The following PSD3 variants were observed in gnomAD, a reference collection of about 807,000 sequenced individuals.
PSD3 encodes PH and SEC7 domain-containing protein 3.
Under a neutral mutation model 105.5 loss-of-function variants are expected in PSD3, and 49 were observed. The ratio of observed to expected loss-of-function variants is 0.46; its 90% CI spans 0.37 to 0.59. The LOEUF (loss-of-function observed/expected upper bound fraction) is 0.59, where lower values mean the gene tolerates loss of function less well. Ranked by LOEUF, PSD3 falls within the 20% of genes least tolerant of loss-of-function variation. The pLI, the probability that PSD3 is intolerant of heterozygous loss-of-function variation, is 0.00. For synonymous variants in PSD3, 557 were observed against 457.8 expected (o/e 1.22, Z -2.77); for missense variants, 1,561 against 1,263.8 (o/e 1.24, Z -3.57).
chr8:18,562,174 TAAG>T (rs1801432199), intron 14 of PSD3, among the ~76,000 whole-genome samples: 1 of 152,214 alleles, frequency 6.6e-6, no homozygotes, highest in South Asian at 2.1e-4. Flanking sequence ...GTGCTGGGAA[TAAG>T]AAGAGGGAAC....
intron 10 of PSD3, among the ~76,000 whole-genome samples, chr8:18,640,659 T>C (rs1375036803): frequency 6.6e-6 from 1 of 152,136 alleles, no homozygotes; most frequent in African/African-American, 2.4e-5. Flanking sequence ...TAAACCTCTT[T>C]CCTTTATAAA....
intron 1 of PSD3, among the ~76,000 whole-genome samples, chr8:19,050,259 C>A (rs900116970): frequency 6.6e-6 from 1 of 152,178 alleles, no homozygotes; most frequent in African/African-American, 2.4e-5. Flanking sequence ...AGAAAAAGAA[C>A]TAGCCACAAA....
chr8:19,070,004 G>T (rs1417709755), intron 1 of PSD3, among the ~76,000 whole-genome samples: 1 of 150,790 alleles, frequency 6.6e-6, no homozygotes, highest in Non-Finnish European at 1.5e-5. Context: ...GCGTGCAGTG[G>T]CATGATCTCA....
intron 9 of PSD3, among the ~76,000 whole-genome samples, chr8:18,750,828 C>T (rs1357346009): frequency 6.6e-6 from 1 of 152,112 alleles, no homozygotes; most frequent in East Asian, 1.9e-4. Flanking sequence ...GATTGGTGCA[C>T]TCACAAACCC....
chr8:18,616,767 G>C (rs1805714808), intron 11 of PSD3, among the ~76,000 whole-genome samples: 1 of 150,326 alleles, frequency 6.7e-6, no homozygotes. Flanking sequence ...GGGACTACAG[G>C]CGCCCGCCAC....
intron 9 of PSD3, among the ~76,000 whole-genome samples, chr8:18,669,645 C>T (rs1456687416): frequency 6.6e-6 from 1 of 152,186 alleles, no homozygotes; most frequent in African/African-American, 2.4e-5. Flanking sequence ...GATTGCATCG[C>T]ACTACGCCGG....
rs370488117 is a variant in PSD3 at position 18,692,101 on chromosome 8, T to C, written c.2173-36416A>G. On this transcript the variant is annotated intron_variant, in intron 9 of 15. Transcript: ENST00000327040. The stretch of plus-strand genomic sequence containing the variant: ...AAAAAAGGGTGACCATTTGGTACAA[T>C]GTAAGAGTAACTGTAAGCTCTATAG... Among the ~76,000 whole-genome samples, 24 of 152,326 alleles carry C rather than the reference T, an allele frequency of 1.6e-4. No homozygotes were observed. The East Asian group carries it at 3.5e-3, about 22-fold the overall frequency.
At chr8:18,674,742 C>T (rs1799976471) in intron 9 of PSD3, among the ~76,000 whole-genome samples, 1 of 152,114 alleles carries the variant, frequency 6.6e-6, no homozygotes, top group Admixed American at 6.5e-5. Context: ...TGTGGTGTCT[C>T]ATGTCTGTGA....
intron 2 of PSD3, among the ~76,000 whole-genome samples, chr8:18,931,211 C>G (rs565557013): frequency 1.3e-5 from 2 of 151,848 alleles, no homozygotes; most frequent in Non-Finnish European, 2.9e-5. Flanking sequence ...TGTTGGATGT[C>G]CAACACACAA....
intron 9 of PSD3, among the ~76,000 whole-genome samples, chr8:18,734,699 A>G (rs1804017286): frequency 6.6e-6 from 1 of 152,208 alleles, no homozygotes; most frequent in Admixed American, 6.5e-5. Context: ...TTTCTAAACG[A>G]TGAGGTGACT....
chr8:18,742,094 A>T (rs1019863683), intron 9 of PSD3, among the ~76,000 whole-genome samples: 22 of 152,198 alleles, frequency 1.4e-4, no homozygotes, highest in African/African-American at 5.3e-4. Flanking sequence ...ATTTAAAAGG[A>T]CTATAATAGG....
At chr8:18,767,881 G>T (rs915307623) in intron 8 of PSD3, among the ~76,000 whole-genome samples, 1 of 152,060 alleles carries the variant, frequency 6.6e-6, no homozygotes, top group Non-Finnish European at 1.5e-5. Context: ...TAACAGAAGG[G>T]TAGAACAGCA....
chr8:19,053,204 G>A (rs978358596), intron 1 of PSD3, among the ~76,000 whole-genome samples: 4 of 152,200 alleles, frequency 2.6e-5, no homozygotes, highest in South Asian at 2.1e-4. Flanking sequence ...GGTCTATGGC[G>A]CACAGGGGAT....
At chr8:19,014,903 G>A (rs75879016), upstream of PSD3, among the ~76,000 whole-genome samples, 224 of 152,310 alleles carry the variant, frequency 1.5e-3, 1 homozygote, top group African/African-American at 5.1e-3. This position sits in a 1 kb window ranked among gnomAD's most constrained non-coding sequence, Gnocchi z 4.9. Context: ...CCAGCATGAG[G>A]GAGTGTATGC....
intron 1 of PSD3, among the ~76,000 whole-genome samples, chr8:19,053,340 A>C (rs549883209): frequency 6.6e-6 from 1 of 152,052 alleles, no homozygotes; most frequent in East Asian, 1.9e-4. Flanking sequence ...GCACACACCC[A>C]CTCCTCTCTT....
intron 4 of PSD3, among the ~76,000 whole-genome samples, chr8:18,826,820 A>G (rs1813226427): frequency 6.6e-6 from 1 of 152,198 alleles, no homozygotes; most frequent in Non-Finnish European, 1.5e-5. Flanking sequence ...GAGGCAGTGT[A>G]CTTTCTACCT....
At chr8:18,971,287 G>A (rs993656720) in intron 1 of PSD3, among the ~76,000 whole-genome samples, 1 of 152,176 alleles carries the variant, frequency 6.6e-6, no homozygotes, top group Non-Finnish European at 1.5e-5. Flanking sequence ...GGAACAAGCA[G>A]GGCAAAGCTC....
intron 1 of PSD3, among the ~76,000 whole-genome samples, chr8:19,048,008 A>G (rs1828386396): frequency 6.6e-6 from 1 of 151,980 alleles, no homozygotes; most frequent in Non-Finnish European, 1.5e-5. Flanking sequence ...AACTCCAATG[A>G]CCAACTTGTC....
intron 4 of PSD3, among the ~76,000 whole-genome samples, chr8:18,839,779 G>C (rs1415608890): frequency 6.6e-6 from 1 of 152,090 alleles, no homozygotes. Context: ...AGCAACACTT[G>C]GGCTTGGCTA....
Sources: gnomAD v4.1 joint callset for allele counts (sites outside exome capture counted in the v4.1 genomes callset) on GRCh38, gnomAD v4.1.1 for gene constraint, Gnocchi (gnomAD v3.1) non-coding constraint, MANE v1.5 for transcripts, NCBI Gene and HGNC (gene_info 2026-07-23, HGNC 2026-07-21) for gene names.